ROBO1: variants seen among roughly 807,000 people sequenced by gnomAD.
ROBO1 encodes roundabout guidance receptor 1, also known as roundabout homolog 1.
A neutral mutation model predicts 195.9 loss-of-function variants in ROBO1; 149 were observed. The ratio of observed to expected loss-of-function variants is 0.76; its 90% CI spans 0.67 to 0.87. The LOEUF (loss-of-function observed/expected upper bound fraction) is 0.87. ROBO1 is among the 40% of genes least tolerant of loss of function. The pLI, the probability that ROBO1 is intolerant of heterozygous loss-of-function variation, is 0.00. For synonymous variants in ROBO1, 816 were observed against 733.2 expected (o/e 1.11, Z -1.82); for missense variants, 1,933 against 2,068.3 (o/e 0.93, Z 1.27).
chr3:78,657,632 T>A (rs1201629151), intron 17 of ROBO1, among the ~76,000 whole-genome samples: 2 of 152,226 alleles, frequency 1.3e-5, no homozygotes, highest in Non-Finnish European at 2.9e-5. Context: ...CAGATAGCTG[T>A]GTCTATGCAG....
In ROBO1 at chr3:78,793,135, CAAA is replaced by C. The variant is rs34409991; in HGVS notation, c.500-46238_500-46236del. The stretch of plus-strand genomic sequence containing the variant: ...GACAACAACAACAACAAAACAAAAC[CAAA>C]AAAAAAAAAAGAAAGAAAGAAAGAG... On this transcript the variant is annotated intron_variant, in intron 4 of 30. Transcript: ENST00000464233. Among the ~76,000 whole-genome samples the C allele has an allele frequency of 2.2e-5, 3 of 139,430 alleles. No homozygotes were observed. The Admixed American group carries it at 2.2e-4, about 10-fold the overall frequency. The allele number at this position is 139,430 out of a possible 152,430, so 91.5% of individuals were successfully genotyped here. A position where few individuals can be genotyped will look rare whatever the true frequency, so the allele number is the denominator to read the frequency against.
At chr3:78,788,438 T>TA (rs1191861726) in intron 4 of ROBO1, among the ~76,000 whole-genome samples, 25 of 134,564 alleles carry the variant, frequency 1.9e-4, no homozygotes, top group Admixed American at 4.5e-4. Flanking sequence ...TTTTTTTTTT[T>TA]TTAAAAAAAA....
chr3:79,019,100 T>C, intron 3 of ROBO1: 4 of 987,462 alleles, frequency 4.1e-6, no homozygotes, highest in Non-Finnish European at 4.8e-6. Context: ...CTTGTTCCCA[T>C]CACTTGGGGG....
chr3:78,714,583 A>AT, intron 7 of ROBO1, 59 bp from the exon 8 acceptor site: 1 of 1,497,828 alleles, frequency 6.7e-7, no homozygotes, highest in Non-Finnish European at 9.1e-7. Flanking sequence ...AGATCTCATT[A>AT]TTATACACAC....
At chr3:79,083,580 A>G (rs943652342) in intron 3 of ROBO1, among the ~76,000 whole-genome samples, 1 of 152,216 alleles carries the variant, frequency 6.6e-6, no homozygotes, top group Non-Finnish European at 1.5e-5. Flanking sequence ...TTTTAGCAGT[A>G]TGCTCAAAAT....
intron 2 of ROBO1, among the ~76,000 whole-genome samples, chr3:79,575,626 A>G (rs924319076): frequency 1.4e-4 from 21 of 148,224 alleles, no homozygotes; most frequent in African/African-American, 4.2e-4. Flanking sequence ...TACTTCACCA[A>G]CACTGTAGAA....
intron 2 of ROBO1, among the ~76,000 whole-genome samples, chr3:79,470,195 T>C (rs1938192380): frequency 1.3e-5 from 2 of 151,946 alleles, no homozygotes; most frequent in Admixed American, 6.6e-5. Flanking sequence ...ATTAAGAAAA[T>C]GTGGCACATA....
At chr3:79,252,628 A>G (rs1218195783) in intron 2 of ROBO1, among the ~76,000 whole-genome samples, 1 of 152,162 alleles carries the variant, frequency 6.6e-6, no homozygotes, top group Non-Finnish European at 1.5e-5. Flanking sequence ...CTAATAAAGC[A>G]TGTACCAATA....
At chr3:79,030,538 TAGTC>T (rs1287063614) in intron 3 of ROBO1, among the ~76,000 whole-genome samples, 3 of 152,174 alleles carry the variant, frequency 2.0e-5, no homozygotes, top group Non-Finnish European at 2.9e-5. Flanking sequence ...CTAAAGTTAT[TAGTC>T]AAGCAATGCT....
At chr3:78,893,000 C>T (rs2036996432) in intron 4 of ROBO1, among the ~76,000 whole-genome samples, 1 of 152,184 alleles carries the variant, frequency 6.6e-6, no homozygotes, top group Non-Finnish European at 1.5e-5. Context: ...GAAAGTGCAA[C>T]CTCATACTGG....
chr3:79,212,277 G>A (rs2108804421), intron 2 of ROBO1, among the ~76,000 whole-genome samples: 1 of 152,188 alleles, frequency 6.6e-6, no homozygotes, highest in Admixed American at 6.5e-5. Context: ...CAGATCTGGG[G>A]GCAGTTTGTG....
chr3:79,676,123 G>C (rs75604352), intron 1 of ROBO1, among the ~76,000 whole-genome samples: 3,814 of 152,014 alleles, frequency 0.025, 158 homozygotes, highest in African/African-American at 0.088. Context: ...GGGAGGAAAA[G>C]ATATTACTTT....
intron 2 of ROBO1, among the ~76,000 whole-genome samples, chr3:79,263,659 A>G (rs933559302): frequency 1.4e-4 from 21 of 151,784 alleles, no homozygotes; most frequent in African/African-American, 5.1e-4. Context: ...ACAAGAACAA[A>G]ATACCAAAAT....
chr3:79,470,986 T>C (rs1003209586), intron 2 of ROBO1, among the ~76,000 whole-genome samples: 1 of 152,148 alleles, frequency 6.6e-6, no homozygotes, highest in African/African-American at 2.4e-5. Flanking sequence ...ATTTATTGTG[T>C]ATATACTGTA....
intron 4 of ROBO1, among the ~76,000 whole-genome samples, chr3:78,848,765 G>A (rs2033839618): frequency 6.6e-6 from 1 of 152,168 alleles, no homozygotes; most frequent in Non-Finnish European, 1.5e-5. Context: ...CTTAAAGTCT[G>A]TCTAATCTCC....
In ROBO1 at chr3:78,922,185, G is replaced by C. The variant is rs538991718; in HGVS notation, c.499+16416C>G. Among the ~76,000 whole-genome samples the C allele has an allele frequency of 1.2e-4, 18 of 152,146 alleles. No individual in the cohort carries two copies. In the South Asian group the frequency reaches 3.5e-3, roughly 30 times the overall value. ...TGTGAGAAGATAATACAAATCAAAG[G>C]CTAAAGTTGCTCTTCCAATTTGAAG... On this transcript the variant is annotated intron_variant, in intron 4 of 30. Coordinates refer to ENST00000464233, the MANE Select transcript of ROBO1 (RefSeq NM_002941.4).
At position 78,746,867 on chromosome 3, in the gene ROBO1, T is replaced by C; in HGVS notation, c.533A>G (p.Asp178Gly). Residue 178 changes from aspartate (D) to glycine (G), a missense_variant, in exon 5 of 31, where the codon GAT (aspartate) becomes GGT (glycine). Physicochemically the swap from Asp to Gly is moderately conservative, Grantham distance 94 (BLOSUM62 -1). Transcript: ENST00000464233. ...LRDDFRQNPS[D>G]VMVAVGEPAV... ...AGGCTCTCCTACTGCAACCATGACA[T>C]CCGAAGGGTTTTGTCTGAAGTCATC... The C allele has an allele frequency of 6.3e-7, 1 of 1,585,192 alleles. No homozygotes were observed. The highest frequency in any genetic ancestry group is 8.6e-7 in the Non-Finnish European group (1 of 1,160,984).
chr3:79,442,467 C>G (rs1394737377), intron 2 of ROBO1, among the ~76,000 whole-genome samples: 3 of 152,002 alleles, frequency 2.0e-5, no homozygotes, highest in African/African-American at 7.3e-5. Context: ...TCTCTTTATG[C>G]ATTAATACAG....
chr3:79,677,433 A>G (rs1576217149), intron 1 of ROBO1, among the ~76,000 whole-genome samples: 1 of 151,940 alleles, frequency 6.6e-6, no homozygotes, highest in Admixed American at 6.6e-5. Context: ...AGAAAGGCAC[A>G]TCGTATGTGG....
Sources: allele counts gnomAD v4.1 joint callset (sites outside exome capture counted in the v4.1 genomes callset), GRCh38; gene constraint gnomAD v4.1.1; transcripts MANE v1.5; gene names NCBI Gene and HGNC (gene_info 2026-07-23, HGNC 2026-07-21).